Variants in BHLHE41 observed in about 807,000 individuals in gnomAD.
The protein encoded by BHLHE41 is class E basic helix-loop-helix protein 41.
BHLHE41 carries 14 observed loss-of-function variants against 24.0 expected under a neutral mutation model. That is an observed-to-expected ratio of 0.58 (90% CI 0.39 to 0.91). The LOEUF is 0.91. Among genes scored for constraint, BHLHE41 ranks in the 40% least tolerant of loss-of-function variants. The pLI is 0.00. For missense variants in BHLHE41, 674 were observed against 655.4 expected (o/e 1.03, Z -0.31); for synonymous variants, 394 against 315.5 (o/e 1.25, Z -2.64).
In BHLHE41 at chr12:26,124,721, A is replaced by G. The variant is rs201545489; in HGVS notation, c.59T>C (p.Ile20Thr). ...CGCAAGGGTGCGTGCACCTTACCCTATAAAATCTCTATGTTCCAGTAACTG... is the reference window on the plus strand; with the variant it reads ...CGCAAGGGTGCGTGCACCTTACCCTGTAAAATCTCTATGTTCCAGTAACTG... Reference protein sequence around the residue: ...ERQLLEHRDFIGLDYSSLYMC... With the variant: ...ERQLLEHRDFTGLDYSSLYMC... The change falls in exon 1 of 5, where the codon ATA becomes ACA. Residue 20 changes from isoleucine (I) to threonine (T), a missense_variant. This residue lies in a region of BHLHE41 where 67 missense variants were observed against 62.4 expected (regional missense o/e 1.07). Coordinates refer to ENST00000242728, the MANE Select transcript of BHLHE41 (RefSeq NM_030762.3). 1.1e-4 allele frequency: 170 copies of G among 1,614,224 alleles called. No homozygotes were observed. In the East Asian group the frequency reaches 3.0e-3, roughly 28 times the overall value.
chr12:26,122,279 G>T lies in BHLHE41; in HGVS notation c.1236C>A (p.Phe412Leu). Reference protein sequence around the residue: ...AAAAAAAAAAFPCLSSVLSPP... With the variant: ...AAAAAAAAAALPCLSSVLSPP... ...GCGACAACACCGAGGACAGGCAGGGGAACGCGGCGGCGGCGGCGGCAGCGG... is the reference window on the plus strand; with the variant it reads ...GCGACAACACCGAGGACAGGCAGGGTAACGCGGCGGCGGCGGCGGCAGCGG... Residue 412 changes from phenylalanine to leucine, a missense_variant, in exon 5 of 5, where the codon TTC (phenylalanine) becomes TTA (leucine). Around this residue, in one of 3 missense-constraint regions of BHLHE41, gnomAD observed 602 missense variants for 570.8 expected, o/e 1.05. Coordinates refer to ENST00000242728, the MANE Select transcript of BHLHE41 (RefSeq NM_030762.3). 1 of 1,208,832 alleles carries T rather than the reference G, an allele frequency of 8.3e-7. No individual in the cohort carries two copies. The highest frequency in any genetic ancestry group is 1.0e-6 in the Non-Finnish European group (1 of 973,250). 74.9% of individuals were successfully genotyped at this position (1,208,832 alleles called of 1,614,324 possible).
Position 26,122,612 on chromosome 12 carries a change from T to TGCC in BHLHE41, c.900_902dup (p.Ala303dup), listed in dbSNP as rs1254324844. 3.5e-5 allele frequency: 40 copies of TGCC among 1,130,172 alleles called. No homozygotes were observed. Among genetic ancestry groups the TGCC allele is most frequent in the South Asian group, 3.0e-4 (7 of 23,138 alleles). 70.0% of individuals were successfully genotyped at this position (1,130,172 alleles called of 1,614,324 possible). ...CAGGGTCGGGCCCCAGAAGCGCGGC[T>TGCC]GCCGCCGCCGCCGCGCCGCCCCCCG... On this transcript the variant is annotated inframe_insertion, in exon 5 of 5. Coordinates refer to ENST00000242728, the MANE Select transcript of BHLHE41 (RefSeq NM_030762.3).
At chr12:26,124,253 GCCCCC>G in intron 2 of BHLHE41, 74 bp from the exon 3 acceptor site, 1 of 785,870 alleles carries the variant, frequency 1.3e-6, no homozygotes, top group East Asian at 2.8e-5. Context: ...ACCCTCGTCT[GCCCCC>G]CCCGCCCCCC....
At position 26,122,448 on chromosome 12, in the gene BHLHE41, G is replaced by C. The variant is rs1944317880; in HGVS notation, c.1067C>G (p.Pro356Arg). ...CTGCACGTAGGCGGCAGCTGCAGAA[G>C]GCGAGAGGAAGCAGAAGGGCAGGCA... ...PFCLPFCFLSPSAAAAYVQPF... is the reference protein window; with the variant it reads ...PFCLPFCFLSRSAAAAYVQPF... The change falls in exon 5 of 5, where the codon CCT becomes CGT. Residue 356 changes from proline to arginine, a missense_variant. Physicochemically the swap from Pro to Arg is moderately radical, Grantham distance 103 (BLOSUM62 -2). This residue lies in a region of BHLHE41 where 602 missense variants were observed against 570.8 expected (regional missense o/e 1.05). Transcript: ENST00000242728. The C allele has an allele frequency of 4.4e-6, 6 of 1,359,780 alleles. No homozygotes were observed. In the South Asian group the frequency reaches 9.8e-5, roughly 22 times the overall value. 84.2% of individuals were successfully genotyped at this position (1,359,780 alleles called of 1,614,324 possible).
chr12:26,124,633 C>T, intron 1 of BHLHE41, 51 bp from the exon 2 acceptor site: 1 of 1,612,714 alleles, frequency 6.2e-7, no homozygotes, highest in Non-Finnish European at 8.5e-7. Flanking sequence ...GGGCTCTGCC[C>T]TCGCCAGCTC....
Position 26,123,649 on chromosome 12 carries a change from C to T in BHLHE41, c.327G>A (p.Lys109=), listed in dbSNP as rs145433495. Residue 109 remains lysine, a synonymous_variant, in exon 4 of 5, where the codon AAG becomes AAA. Transcript: ENST00000242728. ...ACTTACCATTCTGTAAAGCAATTATCTTCTGATGCTGTTGCTCGGTTAAGG... is the reference window on the plus strand; with the variant it reads ...ACTTACCATTCTGTAAAGCAATTATTTTCTGATGCTGTTGCTCGGTTAAGG... ...LTALTEQQHQ[K]IIALQNGERS... The T allele has an allele frequency of 2.2e-5, 35 of 1,613,410 alleles. No individual in the cohort carries two copies. Among genetic ancestry groups the T allele is most frequent in the Non-Finnish European group, 3.0e-5 (35 of 1,179,410 alleles).
In BHLHE41 at chr12:26,122,964, A is replaced by G. The variant is rs1316152123; in HGVS notation, c.551T>C (p.Val184Ala). Residue 184 changes from valine to alanine, a missense_variant, in exon 5 of 5, where the codon GTC becomes GCC. Physicochemically the swap from Val to Ala is moderately conservative, Grantham distance 64. This residue lies in a region of BHLHE41 where 602 missense variants were observed against 570.8 expected (regional missense o/e 1.05). Coordinates refer to ENST00000242728, the MANE Select transcript of BHLHE41 (RefSeq NM_030762.3). Reference sequence around the variant, plus strand: ...AGCGCCGGTGCCTTTGCTCAGAGGGACCTGTTGAGTCAACAGCTGCGGGGT... The same window carrying G: ...AGCGCCGGTGCCTTTGCTCAGAGGGGCCTGTTGAGTCAACAGCTGCGGGGT... Reference protein sequence around the residue: ...LPTPQLLTQQVPLSKGTGAPS... With the variant: ...LPTPQLLTQQAPLSKGTGAPS... The G allele has an allele frequency of 8.3e-6, 13 of 1,560,690 alleles. No homozygotes were observed. Among genetic ancestry groups the G allele is most frequent in the South Asian group, 5.9e-5 (5 of 84,776 alleles).
chr12:26,122,111 G>C lies in BHLHE41; in HGVS notation c.1404C>G (p.Ser468Arg). ...GCTGCGAGGGATCTTCCTGAGCAGA[G>C]CTCTCCGGGTTCCCCGGCTCGCGGG... ...AGPREPGNPE[S>R]SAQEDPSQPG... is the part of the protein sequence containing the mutation. Residue 468 changes from serine to arginine, a missense_variant, in exon 5 of 5, where the codon AGC becomes AGG. By Grantham distance (110) the Ser-to-Arg change is moderately radical. Transcript: ENST00000242728. 1 of 1,549,644 alleles carries C rather than the reference G, an allele frequency of 6.5e-7. No individual in the cohort carries two copies. Among genetic ancestry groups the C allele is most frequent in the Non-Finnish European group, 8.7e-7 (1 of 1,146,588 alleles).
At position 26,123,042 on chromosome 12, in the gene BHLHE41, C is replaced by A. The variant is rs1214267603; in HGVS notation, c.473G>T (p.Arg158Leu). The A allele has an allele frequency of 6.3e-7, 1 of 1,577,598 alleles. No homozygotes were observed. Among genetic ancestry groups the A allele is most frequent in the Non-Finnish European group, 8.6e-7 (1 of 1,161,050 alleles). Reference sequence around the variant, plus strand: ...CAAGTGGTTGATCAGCTGGACACACCGCGGCTCCCTGGGTGTCCAGCTCTC... The same window carrying A: ...CAAGTGGTTGATCAGCTGGACACACAGCGGCTCCCTGGGTGTCCAGCTCTC... ...RFESWTPREPRCVQLINHLHA... is the reference protein window; with the variant it reads ...RFESWTPREPLCVQLINHLHA... Residue 158 changes from arginine (R) to leucine (L), a missense_variant, in exon 5 of 5, where the codon CGG becomes CTG. Arg to Leu is a moderately radical substitution (Grantham distance 102, BLOSUM62 -2). Around this residue, in one of 3 missense-constraint regions of BHLHE41, gnomAD observed 602 missense variants for 570.8 expected, o/e 1.05. Coordinates refer to ENST00000242728, the MANE Select transcript of BHLHE41 (RefSeq NM_030762.3).
Position 26,120,674 on chromosome 12 carries a change from G to A in BHLHE41, c.*1392C>T, listed in dbSNP as rs1944296604. ...AACGTTGTTTAAACACAGCGTTTGAGGCAAACAGTAGCAACAGCAGCAGCA... is the reference window on the plus strand; with the variant it reads ...AACGTTGTTTAAACACAGCGTTTGAAGCAAACAGTAGCAACAGCAGCAGCA... On this transcript the variant is annotated 3_prime_UTR_variant, in exon 5 of 5. Coordinates refer to ENST00000242728, the MANE Select transcript of BHLHE41 (RefSeq NM_030762.3). 1 of 152,626 alleles carries A rather than the reference G, an allele frequency of 6.6e-6. No individual in the cohort carries two copies. Among genetic ancestry groups the A allele is most frequent in the Admixed American group, 6.5e-5 (1 of 15,284 alleles). The allele number at this position is 152,626 out of a possible 1,614,324, so 9.5% of individuals were successfully genotyped here. A position where few individuals can be genotyped will look rare whatever the true frequency, so the allele number is the denominator to read the frequency against.
Position 26,124,271 on chromosome 12 carries a change from CCAT to C in BHLHE41, c.127-95_127-93del. 4.2e-6 allele frequency: 3 copies of C among 716,360 alleles called. No individual in the cohort carries two copies. The South Asian group carries it at 4.5e-5, about 11-fold the overall frequency. The allele number at this position is 716,360 out of a possible 1,614,324, so 44.4% of individuals were successfully genotyped here. ...CTCGTCTGCCCCCCCCGCCCCCCCA[CCAT>C]AAAACATACTATGTGATAAACTACA... On this transcript the variant is annotated intron_variant, in intron 2 of 4. Transcript: ENST00000242728.
intron 3 of BHLHE41, 97 bp from the exon 4 acceptor site, chr12:26,123,838 C>G (rs970418054): frequency 6.8e-5 from 59 of 866,710 alleles, no homozygotes; most frequent in Admixed American, 1.0e-4. Flanking sequence ...TAAGCAAACA[C>G]TTTGAAAGAA....
In BHLHE41 at chr12:26,122,172, T is replaced by G. The variant is rs1944312317; in HGVS notation, c.1343A>C (p.His448Pro). ...VAPLGAPHPQHPHGRTHLPFA... is the reference protein window; with the variant it reads ...VAPLGAPHPQPPHGRTHLPFA... ...GGGCAGGTGGGTGCGGCCGTGCGGG[T>G]GCTGGGGGTGCGGCGCCCCAAGGGG... The change falls in exon 5 of 5, where the codon CAC (histidine) becomes CCC (proline). Residue 448 changes from histidine to proline, a missense_variant. Transcript: ENST00000242728. The G allele has an allele frequency of 6.6e-7, 1 of 1,505,026 alleles. No individual in the cohort carries two copies. The highest frequency in any genetic ancestry group is 2.2e-5 in the Admixed American group (1 of 45,236). 93.2% of individuals were successfully genotyped at this position (1,505,026 alleles called of 1,614,324 possible).
At chr12:26,124,681 G>A in intron 1 of BHLHE41, 37 bp downstream of exon 1, 1 of 1,613,522 alleles carries the variant, frequency 6.2e-7, no homozygotes, top group South Asian at 1.1e-5. Context: ...TCAAACCAAA[G>A]CCTAGACAGA....
Position 26,122,509 on chromosome 12 carries a change from G to C in BHLHE41, c.1006C>G (p.Pro336Ala), listed in dbSNP as rs959336645. 2.3e-6 allele frequency: 3 copies of C among 1,302,856 alleles called. No individual in the cohort carries two copies. The highest frequency in any genetic ancestry group is 3.0e-6 in the Non-Finnish European group (3 of 1,015,464). The allele number at this position is 1,302,856 out of a possible 1,614,324, so 80.7% of individuals were successfully genotyped here. A position where few individuals can be genotyped will look rare whatever the true frequency, so the allele number is the denominator to read the frequency against. Reference sequence around the variant, plus strand: ...GCGGCGGCCGCGGGCTGCGGGAAGGGCGCGCCTCCGCCTCCGCCGAACGCC... The same window carrying C: ...GCGGCGGCCGCGGGCTGCGGGAAGGCCGCGCCTCCGCCTCCGCCGAACGCC... ...LVAFGGGGGA[P>A]FPQPAAAAAP... The change falls in exon 5 of 5, where the codon CCC becomes GCC. Residue 336 changes from proline to alanine, a missense_variant. Transcript: ENST00000242728.
At position 26,124,177 on chromosome 12, in the gene BHLHE41, A is replaced by G; in HGVS notation, c.129T>C (p.Asp43=). 1.9e-6 allele frequency: 3 copies of G among 1,576,960 alleles called. No homozygotes were observed. The highest frequency in any genetic ancestry group is 2.6e-6 in the Non-Finnish European group (3 of 1,147,244). Residue 43 remains aspartate (D), a splice_region_variant and synonymous_variant, in exon 3 of 5, where the codon GAT becomes GAC. Transcript: ENST00000242728. ...TTAATCTGTGCGGTAATTTGTAGGT[A>G]TCCTTAATATATGAGAGTCATGGAA... ...KRSMKRDDTK[D]TYKLPHRLIE...
chr12:26,120,203 T>C lies in BHLHE41; in HGVS notation c.*1863A>G, dbSNP rs1326900013. On this transcript the variant is annotated 3_prime_UTR_variant, in exon 5 of 5. Transcript: ENST00000242728. ...ATTTGTATCCCTATAGTTATAGATA[T>C]CTTAAAACTAATTGAGCATCCATTA... The C allele has an allele frequency of 6.6e-6, 1 of 152,612 alleles. No individual in the cohort carries two copies. Among genetic ancestry groups the C allele is most frequent in the African/African-American group, 2.4e-5 (1 of 41,446 alleles). The allele number at this position is 152,612 out of a possible 1,614,324, so 9.5% of individuals were successfully genotyped here.
At position 26,122,971 on chromosome 12, in the gene BHLHE41, G is replaced by T. The variant is rs1298034445; in HGVS notation, c.544C>A (p.Gln182Lys). ...GTGCCTTTGCTCAGAGGGACCTGTT[G>T]AGTCAACAGCTGCGGGGTGGGCAAG... Reference protein sequence around the residue: ...QFLPTPQLLTQQVPLSKGTGA... With the variant: ...QFLPTPQLLTKQVPLSKGTGA... The change falls in exon 5 of 5, where the codon CAA becomes AAA. Residue 182 changes from glutamine (Q) to lysine (K), a missense_variant. Coordinates refer to ENST00000242728, the MANE Select transcript of BHLHE41 (RefSeq NM_030762.3). 2 of 1,563,444 alleles carry T rather than the reference G, an allele frequency of 1.3e-6. No homozygotes were observed. Among genetic ancestry groups the T allele is most frequent in the East Asian group, 2.4e-5 (1 of 41,764 alleles).
chr12:26,120,564 C>T lies in BHLHE41; in HGVS notation c.*1502G>A, dbSNP rs1565663432. Reference sequence around the variant, plus strand: ...AAAATATCATTAGCACATATTTTCTCCCTACAAAAATAGCATGTCAGACAT... The same window carrying T: ...AAAATATCATTAGCACATATTTTCTTCCTACAAAAATAGCATGTCAGACAT... On this transcript the variant is annotated 3_prime_UTR_variant, in exon 5 of 5. Coordinates refer to ENST00000242728, the MANE Select transcript of BHLHE41 (RefSeq NM_030762.3). 1.3e-5 allele frequency: 2 copies of T among 152,608 alleles called. No individual in the cohort carries two copies. Among genetic ancestry groups the T allele is most frequent in the South Asian group, 2.1e-4 (1 of 4,832 alleles). 9.5% of individuals were successfully genotyped at this position (152,608 alleles called of 1,614,324 possible). A position where few individuals can be genotyped will look rare whatever the true frequency, so the allele number is the denominator to read the frequency against.
Sources: gnomAD v4.1 joint callset for allele counts on GRCh38, gnomAD v4.1.1 for gene constraint, gnomAD v4.1.1 regional missense constraint, MANE v1.5 for transcripts, NCBI Gene and HGNC (gene_info 2026-07-23, HGNC 2026-07-21) for gene names.